The following SHQ1 variants were observed in gnomAD, a reference collection of about 807,000 sequenced individuals.
The protein encoded by SHQ1 is SHQ1, H/ACA ribonucleoprotein assembly factor.
A neutral mutation model predicts 53.8 loss-of-function variants in SHQ1; 49 were observed. The ratio of observed to expected loss-of-function variants is 0.91; its 90% CI spans 0.72 to 1.16. The LOEUF is 1.16. Ranked by LOEUF, SHQ1 falls within the 50% of genes most tolerant of loss-of-function variation. The pLI is 0.00. For synonymous variants in SHQ1, 243 were observed against 251.0 expected, an observed-to-expected ratio of 0.97 and a Z score of 0.30; for missense variants, 738 against 683.1, an observed-to-expected ratio of 1.08 and a Z score of -0.90.
At chr3:72,847,895 C>T (rs750045712) in intron 1 of SHQ1, among the ~76,000 whole-genome samples, 2 of 152,006 alleles carry the variant, frequency 1.3e-5, no homozygotes, top group Non-Finnish European at 2.9e-5. Context: ...CAAGTCAGAA[C>T]GGGACGAGAA....
intron 9 of SHQ1, among the ~76,000 whole-genome samples, chr3:72,804,763 G>A (rs1706889210): frequency 6.6e-6 from 1 of 152,212 alleles, no homozygotes; most frequent in South Asian, 2.1e-4. Flanking sequence ...GCTGAGGCAG[G>A]AGGATAGCTT....
rs1357733243 is a variant in SHQ1, at chr3:72,796,127, AAG to A, written c.1061-3093_1061-3092del. 2.2e-4 allele frequency among the ~76,000 whole-genome samples: 34 copies of A among 151,386 alleles called. No homozygotes were observed. The Middle Eastern group carries it at 0.01, about 46-fold the overall frequency. On this transcript the variant is annotated intron_variant, in intron 9 of 10. Coordinates refer to ENST00000325599, the MANE Select transcript of SHQ1 (RefSeq NM_018130.3). ...AAAAAAAAAAAAAAAAAAAAAAAGA[AAG>A]AGAAAAAGAAAATGCAGGATTTGGA...
chr3:72,761,011 TCAA>T (rs1705598420), intron 10 of SHQ1, among the ~76,000 whole-genome samples: 2 of 152,146 alleles, frequency 1.3e-5, no homozygotes, highest in Admixed American at 1.3e-4. Flanking sequence ...TTCCAACGAT[TCAA>T]CAACTATGCC....
At chr3:72,817,991 G>C (rs1707371436) in intron 6 of SHQ1, among the ~76,000 whole-genome samples, 1 of 151,446 alleles carries the variant, frequency 6.6e-6, no homozygotes, top group African/African-American at 2.4e-5. Context: ...TTCTTCTTCT[G>C]CTTGGCACCT....
At chr3:72,804,070 C>G (rs962914079) in intron 9 of SHQ1, among the ~76,000 whole-genome samples, 5 of 152,214 alleles carry the variant, frequency 3.3e-5, no homozygotes, top group Non-Finnish European at 7.4e-5. Flanking sequence ...GCACACACAA[C>G]TACGCCCTGC....
At chr3:72,829,134 C>T (rs7618979) in intron 5 of SHQ1, among the ~76,000 whole-genome samples, 10,376 of 151,968 alleles carry the variant, frequency 0.068, 500 homozygotes, top group Non-Finnish European at 0.11. Context: ...GATGAATCCC[C>T]GCTTTCTAAC....
downstream of SHQ1, among the ~76,000 whole-genome samples, chr3:72,746,612 G>A (rs2106691151): frequency 6.6e-6 from 1 of 152,308 alleles, no homozygotes; most frequent in South Asian, 2.1e-4. Flanking sequence ...TACTCATGAG[G>A]GTTGTTTAAT....
chr3:72,757,019 T>C (rs1705510812), intron 10 of SHQ1, among the ~76,000 whole-genome samples: 1 of 152,214 alleles, frequency 6.6e-6, no homozygotes, highest in Admixed American at 6.5e-5. Context: ...GAGCCTGAAA[T>C]GTAGGGGCAG....
chr3:72,740,759 A>G, the SHQ1 span, among the ~76,000 whole-genome samples: 1 of 151,470 alleles, frequency 6.6e-6, no homozygotes. Flanking sequence ...AATGACAGCA[A>G]CTCCACGTGT....
intron 9 of SHQ1, chr3:72,794,416 G>A (rs920690122): frequency 1.3e-5 from 2 of 152,176 alleles, no homozygotes; most frequent in Non-Finnish European, 2.9e-5. Context: ...AGTGTTCTAA[G>A]AATGAATGAA....
chr3:72,761,350 T>C (rs1267213654), intron 10 of SHQ1, among the ~76,000 whole-genome samples: 2 of 152,044 alleles, frequency 1.3e-5, no homozygotes, highest in African/African-American at 2.4e-5. Context: ...TTATAAATTT[T>C]TTGTAGTGAC....
chr3:72,797,734 C>G (rs1258905713), intron 9 of SHQ1, among the ~76,000 whole-genome samples: 1 of 152,234 alleles, frequency 6.6e-6, no homozygotes, highest in East Asian at 1.9e-4. Flanking sequence ...AGGCTACTTG[C>G]AGTTGACAAT....
At chr3:72,830,865 A>G (rs1272598662) in intron 5 of SHQ1, among the ~76,000 whole-genome samples, 4 of 151,760 alleles carry the variant, frequency 2.6e-5, no homozygotes, top group Non-Finnish European at 4.4e-5. Flanking sequence ...TCACACTGCT[A>G]ACTATAAATT....
intron 9 of SHQ1, chr3:72,794,321 T>G (rs1559675246): frequency 6.6e-6 from 1 of 152,194 alleles, no homozygotes; most frequent in Non-Finnish European, 1.5e-5. Flanking sequence ...AAAGTAAGTT[T>G]CAAAAGAGCA....
chr3:72,746,867 AAC>A (rs1559655458), downstream of SHQ1, among the ~76,000 whole-genome samples: 2 of 152,218 alleles, frequency 1.3e-5, no homozygotes, highest in Non-Finnish European at 2.9e-5. Context: ...TACTTTTTCA[AAC>A]TGGCTTCAGA....
Position 72,833,480 on chromosome 3 carries a change from AGAT to A in SHQ1, c.487-1002_487-1000del, listed in dbSNP as rs1707890857. 3.6e-5 allele frequency among the ~76,000 whole-genome samples: 3 copies of A among 83,712 alleles called. No individual in the cohort carries two copies. In the South Asian group the frequency reaches 1.9e-3, roughly 52 times the overall value. The allele number at this position is 83,712 out of a possible 152,430, so 54.9% of individuals were successfully genotyped here. A position where few individuals can be genotyped will look rare whatever the true frequency, so the allele number is the denominator to read the frequency against. On this transcript the variant is annotated intron_variant, in intron 4 of 10. Coordinates refer to ENST00000325599, the MANE Select transcript of SHQ1 (RefSeq NM_018130.3). ...TAGATAGATAGATAGATAGATAGAT[AGAT>A]AGATAGATAGATAGATAGACAGACA... is the stretch of plus-strand genomic sequence containing the variant.
At chr3:72,772,793 G>T (rs985934399) in intron 10 of SHQ1, 1 of 763,328 alleles carries the variant, frequency 1.3e-6, no homozygotes, top group African/African-American at 1.7e-5. Context: ...GATCTTGATG[G>T]AGTGCCTTTG....
chr3:72,775,768 C>T (rs531763585), intron 10 of SHQ1, among the ~76,000 whole-genome samples: 78 of 152,074 alleles, frequency 5.1e-4, no homozygotes, highest in African/African-American at 1.8e-3. Flanking sequence ...CCATTCATTA[C>T]ATTAACAAAT....
downstream of SHQ1, among the ~76,000 whole-genome samples, chr3:72,748,967 A>ACG (rs1236490504): frequency 7.9e-6 from 1 of 126,622 alleles, no homozygotes; most frequent in African/African-American, 3.8e-5. Context: ...ACACACACGC[A>ACG]CACGCACACA....
Sources: gnomAD v4.1 joint callset for allele counts (sites outside exome capture counted in the v4.1 genomes callset) on GRCh38, gnomAD v4.1.1 for gene constraint, MANE v1.5 for transcripts, NCBI Gene and HGNC (gene_info 2026-07-23, HGNC 2026-07-21) for gene names.